The following HPRT1 variants were observed in gnomAD, a reference collection of about 807,000 sequenced individuals.
HPRT1 encodes hypoxanthine phosphoribosyltransferase 1, also known as hypoxanthine-guanine phosphoribosyltransferase.
HPRT1 carries 4 observed loss-of-function variants against 19.0 expected under a neutral mutation model. The observed-to-expected ratio is 0.21, with a 90% confidence interval of 0.10 to 0.48. The LOEUF (loss-of-function observed/expected upper bound fraction) is 0.48. Among genes scored for constraint, HPRT1 ranks in the 20% least tolerant of loss-of-function variants. The probability of loss-of-function intolerance (pLI) is 0.98; values close to 1 mark genes in which losing one functional copy is unlikely to be tolerated. For missense variants in HPRT1, 65 were observed against 164.0 expected, an observed-to-expected ratio of 0.40 and a Z score of 3.30; for synonymous variants, 53 against 54.9, an observed-to-expected ratio of 0.97 and a Z score of 0.15.
chrX:134,467,803 CTTT>C (rs765621209), intron 1 of HPRT1, among the ~76,000 whole-genome samples: 3 of 89,476 alleles, frequency 3.4e-5, no homozygotes, highest in Non-Finnish European at 2.2e-5. Flanking sequence ...TAACCTGTAT[CTTT>C]TTTTTTTTTT....
At chrX:134,476,333 C>T (rs987275522) in intron 3 of HPRT1, among the ~76,000 whole-genome samples, 2 of 112,247 alleles carry the variant, frequency 1.8e-5, no homozygotes, top group African/African-American at 6.5e-5. Context: ...TTTTCACTAT[C>T]CCATTAAAAC....
At chrX:134,473,110 G>C (rs74828476) in intron 1 of HPRT1, among the ~76,000 whole-genome samples, 4 of 109,880 alleles carry the variant, frequency 3.6e-5, no homozygotes, top group Non-Finnish European at 7.6e-5. Context: ...GGCTGGTCTC[G>C]AACTCCTGAG....
intron 1 of HPRT1, among the ~76,000 whole-genome samples, chrX:134,467,785 A>G (rs945071843): frequency 1.4e-4 from 15 of 108,468 alleles, no homozygotes; most frequent in Non-Finnish European, 2.7e-4. Flanking sequence ...TTCAACTACC[A>G]TAACACTTAA....
intron 4 of HPRT1, among the ~76,000 whole-genome samples, chrX:134,487,385 A>C (rs2077656542): frequency 9.4e-6 from 1 of 105,966 alleles, no homozygotes; most frequent in Non-Finnish European, 1.9e-5. Flanking sequence ...TAAATGATGG[A>C]ATGCTACTGC....
chrX:134,498,597 A>G lies in HPRT1; in HGVS notation c.533-11A>G, dbSNP rs1332891795. The G allele has an allele frequency of 8.7e-7, 1 of 1,151,583 alleles. No homozygotes were observed. The highest frequency in any genetic ancestry group is 1.2e-6 in the Non-Finnish European group (1 of 840,662). 94.9% of individuals were successfully genotyped at this position (1,151,583 alleles called of 1,213,427 possible). On this transcript the variant is annotated splice_polypyrimidine_tract_variant and intron_variant, in intron 7 of 8. Coordinates refer to ENST00000298556, the MANE Select transcript of HPRT1 (RefSeq NM_000194.3). ...TTCTTTATCTAAATGATGAATTATG[A>G]TTCTTTTTAGTTGTTGGATTTGAAA...
intron 5 of HPRT1, among the ~76,000 whole-genome samples, chrX:134,492,336 A>C (rs1449162763): frequency 9.1e-6 from 1 of 110,440 alleles, no homozygotes; most frequent in Admixed American, 9.8e-5. Flanking sequence ...ATACAACTAA[A>C]GCCCCATTTC....
intron 1 of HPRT1, among the ~76,000 whole-genome samples, chrX:134,467,803 C>CTTTTTT (rs765621209): frequency 3.4e-5 from 3 of 89,483 alleles, no homozygotes; most frequent in Non-Finnish European, 6.7e-5. Context: ...TAACCTGTAT[C>CTTTTTT]TTTTTTTTTT....
At chrX:134,463,210 G>A (rs17000619) in intron 1 of HPRT1, among the ~76,000 whole-genome samples, 1,198 of 111,721 alleles carry the variant, frequency 0.011, 14 homozygotes, top group African/African-American at 0.037. Context: ...TACAACCCAT[G>A]CTGCTTGTAA....
intron 3 of HPRT1, among the ~76,000 whole-genome samples, chrX:134,475,702 A>G (rs1213613604): frequency 9.0e-6 from 1 of 111,694 alleles, no homozygotes; most frequent in Non-Finnish European, 1.9e-5. Context: ...AGTCCTTTGG[A>G]GCTAGGTTTG....
In HPRT1 at chrX:134,460,291, C is replaced by T. The variant is rs776633368; in HGVS notation, c.-21C>T. ...GCTTCCTCCTCCTGAGCAGTCAGCCCGCGCGCCGGCCGGCTCCGTTATGGC... is the reference window on the plus strand; with the variant it reads ...GCTTCCTCCTCCTGAGCAGTCAGCCTGCGCGCCGGCCGGCTCCGTTATGGC... On this transcript the variant is annotated 5_prime_UTR_variant, in exon 1 of 9. Transcript: ENST00000298556. The T allele has an allele frequency of 1.4e-4, 158 of 1,124,860 alleles. No individual in the cohort carries two copies. The African/African-American group carries it at 2.6e-3, about 18-fold the overall frequency. 92.7% of individuals were successfully genotyped at this position (1,124,860 alleles called of 1,213,427 possible).
At chrX:134,498,523 A>G (rs2077687465) in intron 7 of HPRT1, 85 bp from the exon 8 acceptor site, 1 of 998,590 alleles carries the variant, frequency 1.0e-6, no homozygotes, top group Non-Finnish European at 1.4e-6. Flanking sequence ...TGCTTAGAGA[A>G]TATTTGTAGA....
Position 134,475,262 on chromosome X carries a change from T to C in HPRT1, c.216T>C (p.Tyr72=). Reference sequence around the variant, plus strand: ...CCCTCTGTGTGCTCAAGGGGGGCTATAAATTCTTTGCTGACCTGCTGGATT... The same window carrying C: ...CCCTCTGTGTGCTCAAGGGGGGCTACAAATTCTTTGCTGACCTGCTGGATT... ...IVALCVLKGG[Y]KFFADLLDYI... The change falls in exon 3 of 9, where the codon TAT becomes TAC. Residue 72 remains tyrosine, a synonymous_variant. Transcript: ENST00000298556. 1 of 1,194,907 alleles carries C rather than the reference T, an allele frequency of 8.4e-7. No individual in the cohort carries two copies. The highest frequency in any genetic ancestry group is 1.1e-6 in the Non-Finnish European group (1 of 880,091).
intron 3 of HPRT1, 25 bp from the exon 4 acceptor site, chrX:134,486,440 T>A (rs761636870): frequency 4.7e-6 from 4 of 849,277 alleles, no homozygotes; most frequent in Non-Finnish European, 4.9e-6. Flanking sequence ...TATATATATA[T>A]ATAGTTTTTT....
At chrX:134,486,934 A>G (rs1286780907) in intron 4 of HPRT1, among the ~76,000 whole-genome samples, 1 of 110,542 alleles carries the variant, frequency 9.0e-6, no homozygotes, top group Non-Finnish European at 1.9e-5. Flanking sequence ...CCGGAGCCTG[A>G]CAACTGATTC....
chrX:134,480,688 A>G (rs1440603973), intron 3 of HPRT1, among the ~76,000 whole-genome samples: 5 of 103,960 alleles, frequency 4.8e-5, no homozygotes, highest in Non-Finnish European at 9.8e-5. Flanking sequence ...GTCTCAAGCA[A>G]TCCTTCTGCC....
At chrX:134,484,246 C>A (rs1336067821) in intron 3 of HPRT1, among the ~76,000 whole-genome samples, 1 of 112,447 alleles carries the variant, frequency 8.9e-6, no homozygotes, top group Non-Finnish European at 1.9e-5. Context: ...CAGAAGATGG[C>A]ACTATTTAAC....
chrX:134,476,034 T>G (rs2077624521), intron 3 of HPRT1, among the ~76,000 whole-genome samples: 1 of 112,352 alleles, frequency 8.9e-6, no homozygotes, highest in Admixed American at 9.5e-5. Context: ...GTTGGGTTGG[T>G]ATTTCCTGTG....
At position 134,498,449 on chromosome X, in the gene HPRT1, CT is replaced by C. The variant is rs756174482; in HGVS notation, c.532+20del. On this transcript the variant is annotated intron_variant, in intron 7 of 8. Transcript: ENST00000298556. ...TATAAGCCAGACTGTAAGTGAATTA[CT>C]TTTTTTGTCAATCATTTAACCATCT... 2.5e-6 allele frequency: 3 copies of C among 1,182,221 alleles called. No homozygotes were observed. Among genetic ancestry groups the C allele is most frequent in the Non-Finnish European group, 3.5e-6 (3 of 868,482 alleles).
At chrX:134,470,897 G>A (rs1469940187) in intron 1 of HPRT1, among the ~76,000 whole-genome samples, 2 of 101,440 alleles carry the variant, frequency 2.0e-5, no homozygotes, top group African/African-American at 7.2e-5. Context: ...GCGAGACTTC[G>A]TCTCTAAAAA....
Sources: allele counts gnomAD v4.1 joint callset (sites outside exome capture counted in the v4.1 genomes callset), GRCh38; gene constraint gnomAD v4.1.1; transcripts MANE v1.5; gene names NCBI Gene and HGNC (gene_info 2026-07-23, HGNC 2026-07-21).